ACOT7: variants seen among roughly 807,000 people sequenced by gnomAD.
ACOT7 encodes acyl-CoA thioesterase 7.
Under a neutral mutation model 40.2 loss-of-function variants are expected in ACOT7, and 12 were observed. That is an observed-to-expected ratio of 0.30 (90% CI 0.19 to 0.48). The LOEUF (loss-of-function observed/expected upper bound fraction) is 0.48, where lower values mean the gene tolerates loss of function less well. Ranked by LOEUF, ACOT7 falls within the 20% of genes least tolerant of loss-of-function variation. The probability of loss-of-function intolerance (pLI) is 0.99; values close to 1 mark genes in which losing one functional copy is unlikely to be tolerated. For synonymous variants in ACOT7, 228 were observed against 219.5 expected (o/e 1.04, Z -0.34); for missense variants, 395 against 530.8 (o/e 0.74, Z 2.51).
At chr1:6,356,598 C>T (rs1641750606) in intron 1 of ACOT7, among the ~76,000 whole-genome samples, 1 of 152,164 alleles carries the variant, frequency 6.6e-6, no homozygotes, top group Non-Finnish European at 1.5e-5. Context: ...CTGGGAGTGT[C>T]ACCAGTGTCT....
At chr1:6,372,554 CTTT>C (rs563026803) in intron 1 of ACOT7, among the ~76,000 whole-genome samples, 4 of 128,592 alleles carry the variant, frequency 3.1e-5, no homozygotes, top group Admixed American at 8.0e-5. Context: ...TAACTTTTGG[CTTT>C]TTTTTTTTTT....
intron 2 of ACOT7, among the ~76,000 whole-genome samples, chr1:6,345,432 G>A (rs1641392413): frequency 6.6e-6 from 1 of 152,226 alleles, no homozygotes; most frequent in South Asian, 2.1e-4. Flanking sequence ...GTGACCTTGT[G>A]CAGCGACACA....
At position 6,281,280 on chromosome 1, in the gene ACOT7, A is replaced by G; in HGVS notation, c.836T>C (p.Val279Ala). 6.2e-7 allele frequency: 1 copy of G among 1,612,992 alleles called. No individual in the cohort carries two copies. The highest frequency in any genetic ancestry group is 8.5e-7 in the Non-Finnish European group (1 of 1,179,864). The change falls in exon 8 of 9, where the codon GTC (valine) becomes GCC (alanine). Residue 279 changes from valine (V) to alanine (A), a missense_variant. Physicochemically the swap from Val to Ala is moderately conservative, Grantham distance 64. Around this residue, in one of 2 missense-constraint regions of ACOT7, gnomAD observed 309 missense variants for 470.3 expected, o/e 0.66. Transcript: ENST00000361521. ...GGTCATGCGTCCCGAGATGGTGATG[A>G]CGCAGCCTGTGGAGAAGGGAGGGCG... ...NFHDKIRKGC[V>A]ITISGRMTFT...
chr1:6,277,298 C>T (rs1639223519), intron 8 of ACOT7, among the ~76,000 whole-genome samples: 1 of 152,228 alleles, frequency 6.6e-6, no homozygotes. Flanking sequence ...CAGCTGGGGG[C>T]AGCCGGGAGA....
intron 7 of ACOT7, among the ~76,000 whole-genome samples, chr1:6,281,802 T>C (rs1442557562): frequency 1.3e-5 from 2 of 152,092 alleles, no homozygotes; most frequent in Non-Finnish European, 2.9e-5. Flanking sequence ...CCACAGCCAT[T>C]CCCACCCTCA....
intron 7 of ACOT7, among the ~76,000 whole-genome samples, chr1:6,283,887 C>T (rs895601603): frequency 6.6e-6 from 1 of 152,160 alleles, no homozygotes; most frequent in Non-Finnish European, 1.5e-5. Flanking sequence ...CCCAGCTACT[C>T]GGGAGGCTCA....
chr1:6,277,068 G>A (rs558308300), intron 8 of ACOT7, among the ~76,000 whole-genome samples: 9 of 152,264 alleles, frequency 5.9e-5, no homozygotes, highest in South Asian at 2.1e-4. Context: ...GGTCACAGGC[G>A]CGGCCCCAAA....
intron 5 of ACOT7, among the ~76,000 whole-genome samples, chr1:6,320,923 G>A (rs561242128): frequency 6.6e-6 from 1 of 152,352 alleles, no homozygotes; most frequent in South Asian, 2.1e-4. Flanking sequence ...AATGAACTAA[G>A]AAGATGAGTT....
rs895361012 is a variant in ACOT7, at chr1:6,355,065, C to T, written c.144-5199G>A. 5.9e-5 allele frequency among the ~76,000 whole-genome samples: 9 copies of T among 152,142 alleles called. No individual in the cohort carries two copies. Among genetic ancestry groups the T allele is most frequent in the Admixed American group, 3.3e-4 (5 of 15,278 alleles). ...TTCCGCCTCAACTCTCACTGCCCTGCGGGGCTCCGACCTGCACCTGCCAGA... is the reference window on the plus strand; with the variant it reads ...TTCCGCCTCAACTCTCACTGCCCTGTGGGGCTCCGACCTGCACCTGCCAGA... On this transcript the variant is annotated intron_variant, in intron 1 of 8. Coordinates refer to ENST00000361521, the MANE Select transcript of ACOT7 (RefSeq NM_007274.4). The surrounding 1 kb of genome is among the most constrained non-coding windows in gnomAD (Gnocchi z 5.0).
At position 6,385,851 on chromosome 1, in the gene ACOT7, G is replaced by A. The variant is rs151308916; in HGVS notation, c.143+7406C>T. 9.1e-4 allele frequency: 1,289 copies of A among 1,408,882 alleles called. 12 individuals carry two copies. The African/African-American group carries it at 0.016, about 18-fold the overall frequency. The allele number at this position is 1,408,882 out of a possible 1,614,324, so 87.3% of individuals were successfully genotyped here. Reference sequence around the variant, plus strand: ...CAGCCCCCGGCAAGCCGCCTCCTCGGCTTCCGGAACTGGATCACAGGATGT... The same window carrying A: ...CAGCCCCCGGCAAGCCGCCTCCTCGACTTCCGGAACTGGATCACAGGATGT... On this transcript the variant is annotated intron_variant, in intron 1 of 8. Transcript: ENST00000361521.
intron 2 of ACOT7, among the ~76,000 whole-genome samples, chr1:6,345,733 A>G (rs1641401950): frequency 2.6e-5 from 4 of 152,196 alleles, no homozygotes; most frequent in Admixed American, 2.6e-4. Flanking sequence ...AGCTGTCTGG[A>G]AAGCCACCTA....
rs761137702 is a variant in ACOT7, at chr1:6,318,622, T to G, written c.626-44A>C. 4 of 1,593,242 alleles carry G rather than the reference T, an allele frequency of 2.5e-6. No homozygotes were observed. The Admixed American group carries it at 6.8e-5, about 27-fold the overall frequency. The stretch of plus-strand genomic sequence containing the variant: ...GAGATTAGTTATGGGGTAGGCTGAT[T>G]CCCACAGCTGAATGGTCTGGCAATG... On this transcript the variant is annotated intron_variant, in intron 5 of 8. Coordinates refer to ENST00000361521, the MANE Select transcript of ACOT7 (RefSeq NM_007274.4).
intron 2 of ACOT7, among the ~76,000 whole-genome samples, chr1:6,342,105 C>A (rs919165222): frequency 6.6e-6 from 1 of 152,222 alleles, no homozygotes; most frequent in African/African-American, 2.4e-5. Flanking sequence ...TCTCACAGTC[C>A]TGGAGGGGGG....
intron 8 of ACOT7, among the ~76,000 whole-genome samples, chr1:6,270,385 AG>A (rs1638995220): frequency 6.6e-6 from 1 of 152,220 alleles, no homozygotes; most frequent in Non-Finnish European, 1.5e-5. Context: ...TGGTGGGGGA[AG>A]GACTGGAGCC....
At chr1:6,357,541 G>C (rs1366126290) in intron 1 of ACOT7, among the ~76,000 whole-genome samples, 1 of 152,244 alleles carries the variant, frequency 6.6e-6, no homozygotes. Context: ...TGGGCAGACT[G>C]TCCCCAGTCA....
chr1:6,388,817 C>T (rs535091888), intron 1 of ACOT7, among the ~76,000 whole-genome samples: 5 of 146,780 alleles, frequency 3.4e-5, no homozygotes, highest in Non-Finnish European at 7.4e-5. Flanking sequence ...GGTGGGAGGA[C>T]CACAGGGTCA....
intron 6 of ACOT7, 123 bp downstream of exon 6, chr1:6,318,369 C>A: frequency 1.8e-6 from 2 of 1,109,666 alleles, no homozygotes; most frequent in Non-Finnish European, 2.6e-6. Flanking sequence ...TGTACAACTT[C>A]TTGGAAGTTT....
rs1472464001 is a variant in ACOT7, at chr1:6,299,310, A to G, written c.713-4330T>C. On this transcript the variant is annotated intron_variant, in intron 6 of 8. Transcript: ENST00000361521. This position sits in a 1 kb window ranked among gnomAD's most constrained non-coding sequence, Gnocchi z 4.1. Reference sequence around the variant, plus strand: ...GTGGACATCTGTTGAGCTGAACACTAATTTAATTTAGGGCTTTGGGGACAG... The same window carrying G: ...GTGGACATCTGTTGAGCTGAACACTGATTTAATTTAGGGCTTTGGGGACAG... Among the ~76,000 whole-genome samples the G allele has an allele frequency of 3.9e-5, 6 of 152,218 alleles. No individual in the cohort carries two copies. Among genetic ancestry groups the G allele is most frequent in the Admixed American group, 1.3e-4 (2 of 15,284 alleles).
At chr1:6,357,972 T>C (rs1054541297) in intron 1 of ACOT7, among the ~76,000 whole-genome samples, 12 of 151,982 alleles carry the variant, frequency 7.9e-5, no homozygotes, top group South Asian at 2.1e-4. Flanking sequence ...GTTCAAGTGA[T>C]TCTCCTACCT....
Sources: gnomAD v4.1 joint callset for allele counts (sites outside exome capture counted in the v4.1 genomes callset) on GRCh38, gnomAD v4.1.1 for gene constraint, gnomAD v4.1.1 regional missense constraint, Gnocchi (gnomAD v3.1) non-coding constraint, MANE v1.5 for transcripts, NCBI Gene and HGNC (gene_info 2026-07-23, HGNC 2026-07-21) for gene names.